The following DAPK1 variants were observed in gnomAD, a reference collection of about 807,000 sequenced individuals.
The protein encoded by DAPK1 is death associated protein kinase 1.
DAPK1 carries 56 observed loss-of-function variants against 144.9 expected under a neutral mutation model. That is an observed-to-expected ratio of 0.39 (90% CI 0.31 to 0.48). The LOEUF (loss-of-function observed/expected upper bound fraction) is 0.48. Among genes scored for constraint, DAPK1 ranks in the 20% least tolerant of loss-of-function variants. The probability of loss-of-function intolerance (pLI) is 0.95; values close to 1 mark genes in which losing one functional copy is unlikely to be tolerated. For missense variants in DAPK1, 1,454 were observed against 1,875.4 expected (o/e 0.78, Z 4.15); for synonymous variants, 690 against 749.0 (o/e 0.92, Z 1.29).
chr9:87,604,907 C>T, intron 2 of DAPK1, 47 bp from the exon 3 acceptor site: 2 of 1,577,774 alleles, frequency 1.3e-6, no homozygotes, highest in South Asian at 2.3e-5. Context: ...CACTCAAATC[C>T]TGTTTTTTTT....
At chr9:87,500,848 TTG>T (rs1824363587) in intron 2 of DAPK1, among the ~76,000 whole-genome samples, 1 of 152,176 alleles carries the variant, frequency 6.6e-6, no homozygotes, top group Admixed American at 6.5e-5. Context: ...ATTAAATAAT[TTG>T]TGTGACCTAG....
chr9:87,632,112 A>G (rs1437715882), intron 3 of DAPK1: 1 of 630,140 alleles, frequency 1.6e-6, no homozygotes, highest in Non-Finnish European at 2.0e-6. Flanking sequence ...ATATATATGT[A>G]TGTGTGTGTG....
At chr9:87,639,149 C>A (rs1292210672) in intron 4 of DAPK1, among the ~76,000 whole-genome samples, 2 of 152,168 alleles carry the variant, frequency 1.3e-5, no homozygotes, top group Admixed American at 6.5e-5. Context: ...TCCCACATAA[C>A]CCACTTGCAT....
chr9:87,497,306 C>T (rs1405550559), upstream of DAPK1: 1 of 152,230 alleles, frequency 6.6e-6, no homozygotes, highest in Non-Finnish European at 1.5e-5. Context: ...TAATGAGGTA[C>T]GCTCCCTTCC....
intron 3 of DAPK1, among the ~76,000 whole-genome samples, chr9:87,620,962 A>G (rs1388663361): frequency 2.0e-5 from 3 of 152,152 alleles, no homozygotes; most frequent in Non-Finnish European, 4.4e-5. Flanking sequence ...AAGCCATTAA[A>G]GCAACCAGAG....
chr9:87,661,541 A>G (rs1301187787), intron 18 of DAPK1, among the ~76,000 whole-genome samples: 6 of 152,046 alleles, frequency 3.9e-5, no homozygotes, highest in Admixed American at 2.6e-4. Flanking sequence ...GGTGATACTC[A>G]TTGTGGTTTT....
At chr9:87,703,517 C>T (rs1338036727) in intron 25 of DAPK1, among the ~76,000 whole-genome samples, 1 of 152,114 alleles carries the variant, frequency 6.6e-6, no homozygotes, top group Non-Finnish European at 1.5e-5. Flanking sequence ...TCTTCACTCC[C>T]CCTGGGCACC....
intron 11 of DAPK1, among the ~76,000 whole-genome samples, chr9:87,644,596 C>CT (rs1302193242): frequency 3.3e-5 from 5 of 151,712 alleles, no homozygotes; most frequent in Admixed American, 3.3e-4. Flanking sequence ...GAAGAGGAGG[C>CT]TTTGTTTGGG....
intron 22 of DAPK1, among the ~76,000 whole-genome samples, chr9:87,698,069 C>G (rs182345878): frequency 1.3e-5 from 2 of 152,352 alleles, no homozygotes; most frequent in Non-Finnish European, 2.9e-5. Context: ...TTGCCCACAA[C>G]AAGAGAAGCA....
intron 2 of DAPK1, among the ~76,000 whole-genome samples, chr9:87,564,668 A>AAGAG (rs922810952): frequency 1.3e-5 from 2 of 150,956 alleles, no homozygotes; most frequent in Admixed American, 6.6e-5. Context: ...GAGAAAAAGA[A>AAGAG]AGAGAGAGAG....
chr9:87,518,100 T>G (rs1329835726), intron 2 of DAPK1, among the ~76,000 whole-genome samples: 2 of 29,292 alleles, frequency 6.8e-5, no homozygotes, highest in African/African-American at 1.4e-4. Flanking sequence ...GCCGTTTATG[T>G]TGTTGTTTTT....
chr9:87,515,912 C>T (rs1256064649), intron 2 of DAPK1, among the ~76,000 whole-genome samples: 1 of 152,104 alleles, frequency 6.6e-6, no homozygotes, highest in Non-Finnish European at 1.5e-5. Context: ...TCGGTCTTAC[C>T]AGCCTCCCCC....
At chr9:87,503,644 A>G (rs1183972262) in intron 2 of DAPK1, among the ~76,000 whole-genome samples, 11 of 152,202 alleles carry the variant, frequency 7.2e-5, no homozygotes, top group Admixed American at 6.5e-5. Context: ...TGAGTGGATC[A>G]ATATATGTAA....
intron 2 of DAPK1, among the ~76,000 whole-genome samples, chr9:87,516,227 C>G (rs1325555511): frequency 6.6e-6 from 1 of 152,290 alleles, no homozygotes; most frequent in East Asian, 1.9e-4. Flanking sequence ...CCTTGTGTCT[C>G]TACTGGATTC....
chr9:87,525,305 G>A, intron 2 of DAPK1: 1 of 1,607,476 alleles, frequency 6.2e-7, no homozygotes, highest in Non-Finnish European at 8.5e-7. Flanking sequence ...GAGCAAGATG[G>A]GTCACCAGCA....
intron 3 of DAPK1, among the ~76,000 whole-genome samples, chr9:87,613,786 T>C (rs1256200699): frequency 6.6e-6 from 1 of 152,218 alleles, no homozygotes; most frequent in African/African-American, 2.4e-5. Context: ...CTGTCTCTGC[T>C]TCTCTCTGGG....
chr9:87,518,436 C>T (rs1393946815), intron 2 of DAPK1, among the ~76,000 whole-genome samples: 1 of 151,912 alleles, frequency 6.6e-6, no homozygotes, highest in East Asian at 1.9e-4. Flanking sequence ...CCATATTTGC[C>T]CTTTAAAAGG....
chr9:87,665,968 T>C (rs1831036975), intron 18 of DAPK1, among the ~76,000 whole-genome samples: 1 of 152,090 alleles, frequency 6.6e-6, no homozygotes, highest in East Asian at 1.9e-4. Context: ...ATGAGCCCTG[T>C]TGGTAAGGAG....
At chr9:87,588,873 T>G (rs1022588634) in intron 2 of DAPK1, among the ~76,000 whole-genome samples, 1 of 151,240 alleles carries the variant, frequency 6.6e-6, no homozygotes, top group South Asian at 2.1e-4. Flanking sequence ...TCCAGATTAG[T>G]GCAGAGCATC....
Sources: allele counts gnomAD v4.1 joint callset (sites outside exome capture counted in the v4.1 genomes callset), GRCh38; gene constraint gnomAD v4.1.1; transcripts MANE v1.5; gene names NCBI Gene and HGNC (gene_info 2026-07-23, HGNC 2026-07-21).